Variants in PXDNL observed in about 807,000 individuals in gnomAD.
PXDNL encodes the protein probable oxidoreductase PXDNL.
Under a neutral mutation model 150.8 loss-of-function variants are expected in PXDNL, and 145 were observed. That is an observed-to-expected ratio of 0.96 (90% CI 0.84 to 1.10). PXDNL has a LOEUF of 1.10. Among genes scored for constraint, PXDNL ranks in the 50% least tolerant of loss-of-function variants. The pLI is 0.00. For synonymous variants in PXDNL, 757 were observed against 725.7 expected (o/e 1.04, Z -0.69); for missense variants, 2,087 against 1,873.9 (o/e 1.11, Z -2.10).
chr8:51,358,908 GC>G (rs1388849779), intron 19 of PXDNL, among the ~76,000 whole-genome samples: 1 of 152,178 alleles, frequency 6.6e-6, no homozygotes, highest in African/African-American at 2.4e-5. Flanking sequence ...GCCCAGCCCT[GC>G]TCAACTGAGG....
chr8:51,324,086 A>T (rs1440963888), intron 21 of PXDNL, among the ~76,000 whole-genome samples: 1 of 152,172 alleles, frequency 6.6e-6, no homozygotes, highest in Non-Finnish European at 1.5e-5. Flanking sequence ...GTTCATTGTT[A>T]GTATACAGAA....
intron 3 of PXDNL, among the ~76,000 whole-genome samples, chr8:51,558,608 T>A (rs187894029): frequency 3.9e-5 from 6 of 152,202 alleles, no homozygotes; most frequent in Non-Finnish European, 7.4e-5. Context: ...TGAAGGAGTT[T>A]CAAAACTTAA....
At chr8:51,743,959 A>AGAG (rs2036936684) in intron 1 of PXDNL, among the ~76,000 whole-genome samples, 1 of 9,660 alleles carries the variant, frequency 1.0e-4, no homozygotes, top group Non-Finnish European at 5.1e-4. Context: ...AGAGAAAGAA[A>AGAG]AAAGAGAGAG....
At chr8:51,428,970 A>AGTTC (rs59362623) in intron 12 of PXDNL, among the ~76,000 whole-genome samples, 7 of 151,032 alleles carry the variant, frequency 4.6e-5, no homozygotes, top group African/African-American at 1.7e-4. Context: ...TAAAATATAT[A>AGTTC]AAGAACCCAA....
chr8:51,762,075 T>C (rs1042508346), intron 1 of PXDNL, among the ~76,000 whole-genome samples: 2 of 152,222 alleles, frequency 1.3e-5, no homozygotes, highest in Non-Finnish European at 2.9e-5. Context: ...TTCAAAGGCA[T>C]ACATCCATTG....
intron 1 of PXDNL, among the ~76,000 whole-genome samples, chr8:51,792,660 G>A (rs2037524191): frequency 6.6e-6 from 1 of 152,134 alleles, no homozygotes; most frequent in African/African-American, 2.4e-5. Context: ...TGGGGAGACT[G>A]GATGGTTTGG....
chr8:51,620,534 T>C (rs1484888295), intron 2 of PXDNL, among the ~76,000 whole-genome samples: 3 of 151,870 alleles, frequency 2.0e-5, no homozygotes, highest in Non-Finnish European at 4.4e-5. Flanking sequence ...GAGACTTTCT[T>C]ACAACTCAAT....
intron 17 of PXDNL, among the ~76,000 whole-genome samples, chr8:51,379,880 T>C (rs1292713744): frequency 6.6e-6 from 1 of 152,210 alleles, no homozygotes; most frequent in African/African-American, 2.4e-5. Flanking sequence ...GGGTAGCCAC[T>C]TGGTACCGCA....
chr8:51,374,827 C>T (rs1004064190), intron 17 of PXDNL, 96 bp from the exon 18 acceptor site: 2 of 1,398,832 alleles, frequency 1.4e-6, no homozygotes, highest in African/African-American at 2.9e-5. Context: ...ATTTTATCCA[C>T]ACAAAAAAAG....
At chr8:51,447,443 C>T (rs1809701703) in intron 11 of PXDNL, among the ~76,000 whole-genome samples, 1 of 152,134 alleles carries the variant, frequency 6.6e-6, no homozygotes, top group South Asian at 2.1e-4. Context: ...GCCCCTCGGC[C>T]TTACTATAAT....
At chr8:51,445,556 T>G (rs1031011706) in intron 12 of PXDNL, among the ~76,000 whole-genome samples, 3 of 152,192 alleles carry the variant, frequency 2.0e-5, no homozygotes, top group Non-Finnish European at 4.4e-5. Flanking sequence ...CTTACAGTGG[T>G]CTTAGAGAGT....
Position 51,472,219 on chromosome 8 carries a change from G to T in PXDNL, c.780C>A (p.Asn260Lys). Residue 260 changes from asparagine (N) to lysine (K), a missense_variant, in exon 8 of 23, where the codon AAC (asparagine) becomes AAA (lysine). Asn to Lys is a moderately conservative substitution (Grantham distance 94). Coordinates refer to ENST00000356297, the MANE Select transcript of PXDNL (RefSeq NM_144651.5). The part of the protein sequence containing the change: ...TVYFTCRAEG[N>K]PKPEIIWIHN... ...GTATCCAAATAATCTCAGGTTTGGGGTTTCCTTCCGCCCGGCAGGTGAAGT... is the reference window on the plus strand; with the variant it reads ...GTATCCAAATAATCTCAGGTTTGGGTTTTCCTTCCGCCCGGCAGGTGAAGT... 6.2e-7 allele frequency: 1 copy of T among 1,613,338 alleles called. No homozygotes were observed. The highest frequency in any genetic ancestry group is 8.5e-7 in the Non-Finnish European group (1 of 1,179,426).
intron 1 of PXDNL, among the ~76,000 whole-genome samples, chr8:51,675,297 A>G (rs1158976606): frequency 6.6e-6 from 1 of 152,192 alleles, no homozygotes; most frequent in Non-Finnish European, 1.5e-5. Context: ...TAAGGCCCTT[A>G]TAAAAGAGGC....
chr8:51,338,420 G>C (rs1195755971), intron 21 of PXDNL, among the ~76,000 whole-genome samples: 1 of 152,166 alleles, frequency 6.6e-6, no homozygotes, highest in Non-Finnish European at 1.5e-5. Flanking sequence ...AGTTCACAAA[G>C]TCCTTCTGTT....
At chr8:51,555,702 T>A (rs1381867558) in intron 4 of PXDNL, among the ~76,000 whole-genome samples, 1 of 152,194 alleles carries the variant, frequency 6.6e-6, no homozygotes, top group African/African-American at 2.4e-5. Context: ...GCATTCTACA[T>A]ATCCGAGTTT....
intron 1 of PXDNL, among the ~76,000 whole-genome samples, chr8:51,696,112 A>G (rs889796229): frequency 6.6e-6 from 1 of 152,180 alleles, no homozygotes; most frequent in African/African-American, 2.4e-5. Flanking sequence ...TTGATACAGC[A>G]ATGAAAATAG....
chr8:51,642,056 G>A (rs1283634160), intron 2 of PXDNL, among the ~76,000 whole-genome samples: 1 of 152,008 alleles, frequency 6.6e-6, no homozygotes, highest in Non-Finnish European at 1.5e-5. Flanking sequence ...GTCCTTTGTA[G>A]GGACATGGAT....
At chr8:51,381,076 C>A (rs1355690801) in intron 17 of PXDNL, among the ~76,000 whole-genome samples, 1 of 152,060 alleles carries the variant, frequency 6.6e-6, no homozygotes, top group Non-Finnish European at 1.5e-5. Context: ...GAGATGTTGT[C>A]TTGTAAATTT....
chr8:51,425,630 G>C (rs921081457), intron 13 of PXDNL, among the ~76,000 whole-genome samples: 1 of 151,992 alleles, frequency 6.6e-6, no homozygotes, highest in African/African-American at 2.4e-5. Flanking sequence ...TCAGGGGATC[G>C]AGACCACAGT....
Sources: gnomAD v4.1 joint callset for allele counts (sites outside exome capture counted in the v4.1 genomes callset) on GRCh38, gnomAD v4.1.1 for gene constraint, MANE v1.5 for transcripts, NCBI Gene and HGNC (gene_info 2026-07-23, HGNC 2026-07-21) for gene names.